TMPRSS7: variants seen among roughly 807,000 people sequenced by gnomAD.
TMPRSS7 encodes transmembrane protease serine 7.
Under a neutral mutation model 95.6 loss-of-function variants are expected in TMPRSS7, and 81 were observed. That is an observed-to-expected ratio of 0.85 (90% CI 0.71 to 1.02). TMPRSS7 has a LOEUF of 1.02. Ranked by LOEUF, TMPRSS7 falls within the 50% of genes least tolerant of loss-of-function variation. The pLI, the probability that TMPRSS7 is intolerant of heterozygous loss-of-function variation, is 0.00. For missense variants in TMPRSS7, 945 were observed against 955.2 expected (o/e 0.99, Z 0.14); for synonymous variants, 364 against 337.8 (o/e 1.08, Z -0.85).
At chr3:112,079,884 G>T (rs1366628460) in intron 17 of TMPRSS7, among the ~76,000 whole-genome samples, 1 of 152,204 alleles carries the variant, frequency 6.6e-6, no homozygotes, top group South Asian at 2.1e-4. Context: ...CATACAGCTA[G>T]TAAGTGTAAA....
At chr3:112,043,081 T>A (rs1299310719) in intron 3 of TMPRSS7, 1 of 455,992 alleles carries the variant, frequency 2.2e-6, no homozygotes, top group East Asian at 6.9e-5. Flanking sequence ...CACTAAACCC[T>A]TTGCCTCTAA....
At chr3:112,056,334 T>G (rs2073433252) in intron 9 of TMPRSS7, among the ~76,000 whole-genome samples, 1 of 152,214 alleles carries the variant, frequency 6.6e-6, no homozygotes, top group African/African-American at 2.4e-5. Flanking sequence ...GAACCCAAAT[T>G]TGACTCTCTT....
At chr3:112,077,893 T>A (rs1393978827) in intron 16 of TMPRSS7, among the ~76,000 whole-genome samples, 1 of 152,210 alleles carries the variant, frequency 6.6e-6, no homozygotes, top group East Asian at 1.9e-4. Context: ...ACGCTAGTGC[T>A]AATATTTTCC....
intron 2 of TMPRSS7, 26 bp from the exon 3 acceptor site, chr3:112,041,894 G>T (rs999805962): frequency 6.2e-6 from 9 of 1,461,610 alleles, no homozygotes; most frequent in Non-Finnish European, 8.4e-6. Context: ...GAAAGCCTCC[G>T]AATCTTGTTC....
intron 9 of TMPRSS7, among the ~76,000 whole-genome samples, chr3:112,054,758 T>TTTTTTTTTTTG: frequency 8.6e-6 from 1 of 115,966 alleles, no homozygotes. Flanking sequence ...TTTTTTTTTT[T>TTTTTTTTTTTG]GAGACGGAGT....
chr3:112,051,625 C>T (rs897216380), intron 9 of TMPRSS7, among the ~76,000 whole-genome samples: 1 of 142,456 alleles, frequency 7.0e-6, no homozygotes, highest in African/African-American at 2.7e-5. Flanking sequence ...CTATCTCTAT[C>T]ATCTATCTAT....
intron 13 of TMPRSS7, among the ~76,000 whole-genome samples, chr3:112,071,429 G>A (rs1188377913): frequency 3.3e-5 from 5 of 152,212 alleles, no homozygotes; most frequent in African/African-American, 1.2e-4. Flanking sequence ...GTGTCTTGGG[G>A]TTGCTCTTTT....
intron 10 of TMPRSS7, among the ~76,000 whole-genome samples, chr3:112,059,449 C>G (rs1405444): frequency 5.1e-4 from 77 of 152,338 alleles, no homozygotes; most frequent in Non-Finnish European, 9.1e-4. Flanking sequence ...AGCCTGTGAT[C>G]TCTTTCCTCT....
intron 9 of TMPRSS7, among the ~76,000 whole-genome samples, chr3:112,051,657 TATCTATCTATC>T (rs1302368488): frequency 4.5e-5 from 5 of 111,248 alleles, no homozygotes; most frequent in African/African-American, 1.0e-4. Flanking sequence ...TCTATCTATC[TATCTATCTATC>T]ATCTATCTAT....
rs192834574 is a variant in TMPRSS7, at chr3:112,054,808, C to T, written c.1204-2217C>T. ...CACGCTGGAGTGCAGTGGCACATCT[C>T]GGCTCACTGCAAGCTCCGCCTCCCA... On this transcript the variant is annotated intron_variant, in intron 9 of 17. Transcript: ENST00000452346. 1.1e-4 allele frequency among the ~76,000 whole-genome samples: 14 copies of T among 126,336 alleles called. No individual in the cohort carries two copies. The East Asian group carries it at 3.7e-3, about 34-fold the overall frequency. The allele number at this position is 126,336 out of a possible 152,430, so 82.9% of individuals were successfully genotyped here.
intron 2 of TMPRSS7, 65 bp from the exon 3 acceptor site, chr3:112,041,855 C>A: frequency 9.2e-7 from 1 of 1,083,934 alleles, no homozygotes; most frequent in Non-Finnish European, 1.4e-6. Context: ...TGACATAGCT[C>A]AGACAATTCC....
intron 1 of TMPRSS7, among the ~76,000 whole-genome samples, chr3:112,035,720 T>C (rs1267998015): frequency 6.6e-6 from 1 of 152,316 alleles, no homozygotes; most frequent in East Asian, 1.9e-4. Flanking sequence ...TAAATGAAGC[T>C]AAACTCTTGA....
intron 9 of TMPRSS7, among the ~76,000 whole-genome samples, chr3:112,052,853 TAGTC>T (rs2073379700): frequency 6.6e-6 from 1 of 152,098 alleles, no homozygotes; most frequent in African/African-American, 2.4e-5. Context: ...TTGGGACTTT[TAGTC>T]AGGGTGTGAA....
At chr3:112,044,276 T>C (rs2073249033) in exon 4 of TMPRSS7, 1 of 1,551,100 alleles carries the variant, frequency 6.4e-7, no homozygotes, top group Non-Finnish European at 8.7e-7. Context: ...TTATACAACA[T>C]CTGCCTTCTC....
intron 10 of TMPRSS7, among the ~76,000 whole-genome samples, chr3:112,059,918 A>G (rs1345946974): frequency 6.6e-5 from 10 of 152,156 alleles, no homozygotes. Context: ...CACAGGTTCC[A>G]GTGGAGGTCA....
chr3:112,071,705 G>A (rs55715811), intron 13 of TMPRSS7, among the ~76,000 whole-genome samples: 4,551 of 152,128 alleles, frequency 0.03, 190 homozygotes, highest in African/African-American at 0.088. Context: ...TTGATCTTCA[G>A]TCACTGATAC....
chr3:112,042,372 A>G (rs2073219521), intron 3 of TMPRSS7, among the ~76,000 whole-genome samples: 1 of 152,232 alleles, frequency 6.6e-6, no homozygotes, highest in Admixed American at 6.5e-5. Flanking sequence ...ATGCATACCG[A>G]TTAATTCCAT....
rs2107753726 is a variant in TMPRSS7 at position 112,063,421 on chromosome 3, T to G, written c.1448-104T>G. 8 of 811,516 alleles carry G rather than the reference T, an allele frequency of 9.9e-6. No individual in the cohort carries two copies. The South Asian group carries it at 1.2e-4, about 13-fold the overall frequency. The allele number at this position is 811,516 out of a possible 1,614,324, so 50.3% of individuals were successfully genotyped here. On this transcript the variant is annotated intron_variant, in intron 11 of 17. Coordinates refer to ENST00000452346, the Ensembl canonical transcript of TMPRSS7. ...CACTATGTAATTATTACTGCTACCC[T>G]GCCAACTCCCTAACCACTTCACACT...
At chr3:112,038,275 A>T (rs1209455786) in exon 2 of TMPRSS7, 2 of 702,822 alleles carry the variant, frequency 2.8e-6, no homozygotes, top group African/African-American at 1.7e-5. Flanking sequence ...CAGTATTTTT[A>T]TTCATCCTAG....
Sources: gnomAD v4.1 joint callset for allele counts (sites outside exome capture counted in the v4.1 genomes callset) on GRCh38, gnomAD v4.1.1 for gene constraint, MANE v1.5 for transcripts, NCBI Gene and HGNC (gene_info 2026-07-23, HGNC 2026-07-21) for gene names.